Variants in MACROD2 observed in about 807,000 individuals in gnomAD.
The protein encoded by MACROD2 is mono-ADP ribosylhydrolase 2, also known as ADP-ribose glycohydrolase MACROD2.
In MACROD2, 36 loss-of-function variants were observed where a neutral mutation model predicts 70.4. The observed-to-expected ratio is 0.51, with a 90% CI of 0.39 to 0.68. The LOEUF (loss-of-function observed/expected upper bound fraction) is 0.68. MACROD2 is among the 30% of genes least tolerant of loss of function. The pLI, the probability that MACROD2 is intolerant of heterozygous loss-of-function variation, is 0.00. For synonymous variants in MACROD2, 172 were observed against 178.8 expected (o/e 0.96, Z 0.30); for missense variants, 496 against 538.4 (o/e 0.92, Z 0.78).
chr20:15,690,026 A>G (rs1433282370), intron 8 of MACROD2, among the ~76,000 whole-genome samples: 2 of 152,204 alleles, frequency 1.3e-5, no homozygotes, highest in Admixed American at 6.5e-5. Flanking sequence ...CAGGAACTCT[A>G]GTTGTGAGTG....
At chr20:15,661,624 T>C (rs2049823394) in intron 8 of MACROD2, among the ~76,000 whole-genome samples, 1 of 152,114 alleles carries the variant, frequency 6.6e-6, no homozygotes, top group African/African-American at 2.4e-5. Context: ...AAAATTTCAA[T>C]ATGAACTTTA....
At chr20:14,681,180 A>G (rs1340060388) in intron 4 of MACROD2, among the ~76,000 whole-genome samples, 1 of 152,188 alleles carries the variant, frequency 6.6e-6, no homozygotes, top group Non-Finnish European at 1.5e-5. Context: ...GGTTATGTGT[A>G]ACATGGTAAT....
intron 3 of MACROD2, among the ~76,000 whole-genome samples, chr20:14,229,439 G>A (rs971187514): frequency 1.3e-5 from 2 of 152,146 alleles, no homozygotes; most frequent in Non-Finnish European, 2.9e-5. Flanking sequence ...CACTAAATAA[G>A]ATGTACAGAT....
intron 2 of MACROD2, among the ~76,000 whole-genome samples, chr20:14,002,776 T>C (rs527955804): frequency 1.4e-4 from 22 of 152,256 alleles, no homozygotes; most frequent in African/African-American, 4.8e-4. Context: ...ATTTTTAGGA[T>C]TGGGGATACA....
intron 8 of MACROD2, among the ~76,000 whole-genome samples, chr20:15,751,348 C>T (rs534941100): frequency 2.3e-4 from 35 of 152,060 alleles, no homozygotes; most frequent in Non-Finnish European, 4.7e-4. Flanking sequence ...GTAAAAGTAA[C>T]ATTTTATTAC....
intron 8 of MACROD2, among the ~76,000 whole-genome samples, chr20:15,503,810 T>C (rs545044352): frequency 6.6e-6 from 1 of 152,330 alleles, no homozygotes; most frequent in East Asian, 1.9e-4. Flanking sequence ...AAGGTTGCAT[T>C]TTCTGAAGCT....
At chr20:15,068,326 A>C (rs949045166) in intron 5 of MACROD2, among the ~76,000 whole-genome samples, 2 of 152,204 alleles carry the variant, frequency 1.3e-5, no homozygotes, top group African/African-American at 4.8e-5. Context: ...ATATAGTTTA[A>C]AAAATATTCT....
At chr20:15,078,122 G>T (rs1388977099) in intron 5 of MACROD2, among the ~76,000 whole-genome samples, 1 of 152,132 alleles carries the variant, frequency 6.6e-6, no homozygotes, top group Non-Finnish European at 1.5e-5. Context: ...AGTTTATCGG[G>T]TCCTGGGGAG....
chr20:15,258,628 G>A (rs898803900), intron 6 of MACROD2, among the ~76,000 whole-genome samples: 2 of 151,984 alleles, frequency 1.3e-5, no homozygotes, highest in Admixed American at 1.3e-4. Flanking sequence ...ATGTTCACAC[G>A]ATGGTGAAAT....
intron 3 of MACROD2, among the ~76,000 whole-genome samples, chr20:14,228,982 A>T (rs1414603140): frequency 8.7e-6 from 1 of 114,594 alleles, no homozygotes; most frequent in Non-Finnish European, 1.8e-5. Flanking sequence ...AGCACACCAG[A>T]CTCTGTCTCA....
chr20:15,983,355 G>C (rs1470270025), intron 13 of MACROD2, among the ~76,000 whole-genome samples: 1 of 152,098 alleles, frequency 6.6e-6, no homozygotes, highest in Admixed American at 6.5e-5. Flanking sequence ...ATAGCCAAAT[G>C]GACTAAAGCA....
At chr20:14,050,631 C>T (rs1435277432) in intron 2 of MACROD2, among the ~76,000 whole-genome samples, 1 of 152,022 alleles carries the variant, frequency 6.6e-6, no homozygotes, top group Non-Finnish European at 1.5e-5. Flanking sequence ...AAAAAACTGA[C>T]CCCTGGAAAG....
chr20:15,136,715 A>T (rs1232475105), intron 5 of MACROD2, among the ~76,000 whole-genome samples: 3 of 152,012 alleles, frequency 2.0e-5, no homozygotes, highest in African/African-American at 7.2e-5. Context: ...GACAAATGGG[A>T]TCTAATTAAA....
intron 5 of MACROD2, among the ~76,000 whole-genome samples, chr20:14,850,930 A>G (rs545251724): frequency 4.6e-4 from 70 of 152,328 alleles, no homozygotes; most frequent in African/African-American, 1.7e-3. Context: ...GGAAGAGTTG[A>G]GGCCAGATTT....
chr20:15,876,323 C>T (rs1479673024), intron 9 of MACROD2, among the ~76,000 whole-genome samples: 1 of 151,838 alleles, frequency 6.6e-6, no homozygotes, highest in African/African-American at 2.4e-5. Context: ...TCCAAGTGTT[C>T]TCATTGTTCA....
At chr20:15,400,018 G>A (rs552388247) in intron 6 of MACROD2, among the ~76,000 whole-genome samples, 2 of 152,252 alleles carry the variant, frequency 1.3e-5, no homozygotes, top group African/African-American at 4.8e-5. Flanking sequence ...CAGGAACCAC[G>A]CTGGCTGACT....
intron 6 of MACROD2, among the ~76,000 whole-genome samples, chr20:15,244,397 C>G (rs1010710962): frequency 1.5e-4 from 23 of 152,164 alleles, no homozygotes; most frequent in African/African-American, 5.3e-4. Flanking sequence ...AAAGCAAAAT[C>G]TGCTAATTTC....
chr20:15,202,772 G>A (rs2076667789), intron 5 of MACROD2, among the ~76,000 whole-genome samples: 1 of 152,066 alleles, frequency 6.6e-6, no homozygotes, highest in South Asian at 2.1e-4. Flanking sequence ...GACCCAAGAT[G>A]GCTGCTGGAG....
intron 6 of MACROD2, among the ~76,000 whole-genome samples, chr20:15,425,345 T>C (rs1476652470): frequency 6.6e-6 from 1 of 152,244 alleles, no homozygotes; most frequent in Non-Finnish European, 1.5e-5. Flanking sequence ...ATGAAAATCC[T>C]AAATGATAAG....
Sources: allele counts gnomAD v4.1 joint callset (sites outside exome capture counted in the v4.1 genomes callset), GRCh38; gene constraint gnomAD v4.1.1; transcripts MANE v1.5; gene names NCBI Gene and HGNC (gene_info 2026-07-23, HGNC 2026-07-21).